HDAC9: variants seen among roughly 807,000 people sequenced by gnomAD.
The protein encoded by HDAC9 is MEF-2 interacting transcription repressor (MITR) protein.
A neutral mutation model predicts 139.4 loss-of-function variants in HDAC9; 41 were observed. The observed-to-expected ratio is 0.29, with a 90% CI of 0.23 to 0.38. The LOEUF (loss-of-function observed/expected upper bound fraction) is 0.38. HDAC9 is among the 10% of genes least tolerant of loss of function. HDAC9 has a pLI of 1.00. For missense variants in HDAC9, 1,147 were observed against 1,297.0 expected (o/e 0.88, Z 1.78); for synonymous variants, 517 against 476.2 (o/e 1.09, Z -1.12).
intron 22 of HDAC9, among the ~76,000 whole-genome samples, chr7:18,918,107 A>T (rs970010252): frequency 3.3e-5 from 5 of 152,098 alleles, no homozygotes; most frequent in Admixed American, 6.6e-5. Flanking sequence ...ATGTGCAAAG[A>T]AATGCATTTC....
chr7:18,824,094 A>AAGG (rs1795230732), intron 17 of HDAC9, among the ~76,000 whole-genome samples: 2 of 148,034 alleles, frequency 1.4e-5, no homozygotes, highest in South Asian at 4.5e-4. Flanking sequence ...GAAGAACAAG[A>AAGG]ACAAGAAGGA....
intron 2 of HDAC9, among the ~76,000 whole-genome samples, chr7:18,566,831 G>T (rs920110902): frequency 6.6e-6 from 1 of 152,216 alleles, no homozygotes; most frequent in Non-Finnish European, 1.5e-5. Flanking sequence ...ACAAAGGTTT[G>T]TTACCAACGA....
At position 18,838,431 on chromosome 7, in the gene HDAC9, CT is replaced by C. The variant is rs1796375618; in HGVS notation, c.2684+2435del. ...TTGGAGTCGGGGGTATTCATACTGA[CT>C]GGGCAGAGAGAGTGAACTGTGAAAT... On this transcript the variant is annotated intron_variant, in intron 21 of 25. Coordinates refer to ENST00000686413, the MANE Select transcript of HDAC9 (RefSeq NM_178425.4). Among the ~76,000 whole-genome samples, 3 of 151,940 alleles carry C rather than the reference CT, an allele frequency of 2.0e-5. No homozygotes were observed. The South Asian group carries it at 6.2e-4, about 32-fold the overall frequency.
intron 8 of HDAC9, among the ~76,000 whole-genome samples, chr7:18,637,039 A>T (rs1173761705): frequency 6.6e-6 from 1 of 152,126 alleles, no homozygotes; most frequent in Non-Finnish European, 1.5e-5. Context: ...ATTCAGCAGC[A>T]TGTATGATTC....
chr7:18,660,614 T>C (rs73683131), intron 11 of HDAC9, among the ~76,000 whole-genome samples: 18,959 of 152,042 alleles, frequency 0.12, 1,200 homozygotes, highest in East Asian at 0.18. Flanking sequence ...TAAACAAAGA[T>C]AGCGATATGA....
chr7:18,218,056 T>A (rs1004455395), intron 2 of HDAC9, among the ~76,000 whole-genome samples: 1 of 152,110 alleles, frequency 6.6e-6, no homozygotes, highest in Non-Finnish European at 1.5e-5. Flanking sequence ...AAGATGTTGG[T>A]TTTTTTGCCA....
At chr7:18,663,289 A>T (rs112952923) in intron 11 of HDAC9, among the ~76,000 whole-genome samples, 2,516 of 152,184 alleles carry the variant, frequency 0.017, 62 homozygotes, top group African/African-American at 0.049. Context: ...TAGGAGGTTG[A>T]GACACTGAGA....
At chr7:18,478,134 G>A (rs1415550972) in intron 1 of HDAC9, among the ~76,000 whole-genome samples, 1 of 151,834 alleles carries the variant, frequency 6.6e-6, no homozygotes, top group African/African-American at 2.4e-5. Flanking sequence ...TGCAGTGGCA[G>A]GATCTGGGCT....
intron 23 of HDAC9, among the ~76,000 whole-genome samples, chr7:18,937,450 T>A (rs139874477): frequency 6.6e-6 from 1 of 152,200 alleles, no homozygotes; most frequent in Non-Finnish European, 1.5e-5. Context: ...TGTAAAATTT[T>A]CTAAAATGTT....
At chr7:18,849,693 T>C (rs1797144539) in intron 21 of HDAC9, among the ~76,000 whole-genome samples, 1 of 152,142 alleles carries the variant, frequency 6.6e-6, no homozygotes, top group Non-Finnish European at 1.5e-5. Context: ...ATAACTACAT[T>C]TTGCTGAGGA....
chr7:18,789,856 G>A (rs1052554428), intron 16 of HDAC9, among the ~76,000 whole-genome samples: 8 of 151,984 alleles, frequency 5.3e-5, no homozygotes, highest in African/African-American at 1.9e-4. Context: ...TTTTCCTACT[G>A]TCAAGATGTT....
At chr7:18,501,864 ATTAG>A (rs1270304037) in intron 2 of HDAC9, among the ~76,000 whole-genome samples, 2 of 152,206 alleles carry the variant, frequency 1.3e-5, no homozygotes, top group Admixed American at 6.5e-5. Flanking sequence ...TAGTAGGTAT[ATTAG>A]TTAGGTTGTT....
chr7:18,517,110 T>C (rs1233119863), intron 2 of HDAC9, among the ~76,000 whole-genome samples: 1 of 152,212 alleles, frequency 6.6e-6, no homozygotes, highest in Non-Finnish European at 1.5e-5. Context: ...ATAAATTTTT[T>C]GATCAAAACT....
At chr7:18,609,935 A>G (rs774028336) in intron 6 of HDAC9, among the ~76,000 whole-genome samples, 15 of 152,102 alleles carry the variant, frequency 9.9e-5, no homozygotes, top group Admixed American at 2.0e-4. Flanking sequence ...AGCTTCATCC[A>G]TGTCCCTACA....
rs189265561 is a variant in HDAC9 at position 18,284,742 on chromosome 7, C to G, written c.25+122393C>G. Among the ~76,000 whole-genome samples, 6 of 152,136 alleles carry G rather than the reference C, an allele frequency of 3.9e-5. 1 individual carries two copies. In the East Asian group the frequency reaches 1.2e-3, roughly 29 times the overall value. ...GAGAACTAAAAGAGCTCCAGTTTGT[C>G]CAGTGCTTGGTTTTATAGGGACTAG... On this transcript the variant is annotated intron_variant, in intron 2 of 12. Coordinates refer to the HDAC9 transcript ENST00000417496.
chr7:18,164,506 T>C (rs1266100027), intron 2 of HDAC9, among the ~76,000 whole-genome samples: 1 of 152,212 alleles, frequency 6.6e-6, no homozygotes. Context: ...TAAGGAGTTA[T>C]TGTGCACCAG....
chr7:18,402,333 C>T (rs933214904), intron 1 of HDAC9, among the ~76,000 whole-genome samples: 5 of 151,994 alleles, frequency 3.3e-5, no homozygotes, highest in African/African-American at 1.2e-4. Context: ...CAAAGGCCTC[C>T]TAAAGGAATG....
At chr7:18,834,627 T>C (rs935928581) in intron 19 of HDAC9, among the ~76,000 whole-genome samples, 1 of 152,054 alleles carries the variant, frequency 6.6e-6, no homozygotes, top group African/African-American at 2.4e-5. Context: ...ATATTAAAAT[T>C]AGGCAGATTG....
intron 21 of HDAC9, among the ~76,000 whole-genome samples, chr7:18,867,176 T>G (rs1311399438): frequency 6.6e-6 from 1 of 152,204 alleles, no homozygotes; most frequent in Non-Finnish European, 1.5e-5. Flanking sequence ...AAGAGGGTTG[T>G]TCTTCAAGAA....
Sources: gnomAD v4.1 joint callset for allele counts (sites outside exome capture counted in the v4.1 genomes callset) on GRCh38, gnomAD v4.1.1 for gene constraint, MANE v1.5 for transcripts, NCBI Gene and HGNC (gene_info 2026-07-23, HGNC 2026-07-21) for gene names.